The following PDSS2 variants were observed in gnomAD, a reference collection of about 807,000 sequenced individuals.
PDSS2 encodes the protein decaprenyl diphosphate synthase subunit 2, also known as all trans-polyprenyl-diphosphate synthase PDSS2.
In PDSS2, 31 loss-of-function variants were observed where a neutral mutation model predicts 44.5. The observed-to-expected ratio is 0.70, with a 90% CI of 0.52 to 0.94. PDSS2 has a LOEUF of 0.94. Among genes scored for constraint, PDSS2 ranks in the 40% least tolerant of loss-of-function variants. The pLI is 0.00. For missense variants in PDSS2, 452 were observed against 482.2 expected (o/e 0.94, Z 0.59); for synonymous variants, 157 against 180.3 (o/e 0.87, Z 1.03).
chr6:107,221,529 G>A (rs1047544728), intron 4 of PDSS2, among the ~76,000 whole-genome samples: 3 of 152,000 alleles, frequency 2.0e-5, no homozygotes, highest in African/African-American at 7.3e-5. Context: ...GACTATCAGA[G>A]AGAAGTATGT....
At chr6:107,287,762 T>C (rs1285018446) in intron 2 of PDSS2, among the ~76,000 whole-genome samples, 1 of 152,202 alleles carries the variant, frequency 6.6e-6, no homozygotes, top group African/African-American at 2.4e-5. Flanking sequence ...CCTCAGGTGA[T>C]CCACCGAATC....
intron 1 of PDSS2, among the ~76,000 whole-genome samples, chr6:107,371,012 G>A (rs1218009529): frequency 2.0e-5 from 3 of 151,990 alleles, no homozygotes; most frequent in South Asian, 2.1e-4. Flanking sequence ...GTGAAACCCC[G>A]TCTCTACTAA....
At chr6:107,232,559 T>C (rs938142794) in intron 4 of PDSS2, among the ~76,000 whole-genome samples, 8 of 152,224 alleles carry the variant, frequency 5.3e-5, no homozygotes, top group Admixed American at 5.2e-4. Context: ...CCTTCAATCC[T>C]TCACTATCAT....
chr6:107,271,594 C>T (rs562593822), intron 3 of PDSS2, among the ~76,000 whole-genome samples: 2 of 152,358 alleles, frequency 1.3e-5, no homozygotes, highest in African/African-American at 2.4e-5. Context: ...CTTCTCCCAC[C>T]ACCTGATACA....
intron 2 of PDSS2, among the ~76,000 whole-genome samples, chr6:107,324,665 C>T (rs1022932460): frequency 3.3e-5 from 5 of 152,044 alleles, no homozygotes; most frequent in African/African-American, 9.7e-5. Context: ...TGTTTGCATT[C>T]ACATGTTATC....
At chr6:107,371,095 G>A (rs112664043) in intron 1 of PDSS2, among the ~76,000 whole-genome samples, 2 of 151,986 alleles carry the variant, frequency 1.3e-5, no homozygotes, top group South Asian at 4.2e-4. Context: ...CAGGAGAATC[G>A]CTTGAACCCA....
rs71861456 is a variant in PDSS2 at position 107,337,039 on chromosome 6, CCA to C, written c.297-2709_297-2708del. On this transcript the variant is annotated intron_variant, in intron 1 of 7. Transcript: ENST00000369037. The stretch of plus-strand genomic sequence containing the variant: ...TCTCAGAAATAGGACCTTTCACATA[CCA>C]CACACACACACACACACACACACAC... Among the ~76,000 whole-genome samples the C allele has an allele frequency of 9.3e-3, 1,315 of 141,570 alleles. 16 individuals are homozygous for C. Among genetic ancestry groups the C allele is most frequent in the African/African-American group, 0.029 (1,081 of 36,888 alleles). 92.9% of individuals were successfully genotyped at this position (141,570 alleles called of 152,430 possible). A position where few individuals can be genotyped will look rare whatever the true frequency, so the allele number is the denominator to read the frequency against.
chr6:107,454,410 T>C (rs1447800989), intron 1 of PDSS2, among the ~76,000 whole-genome samples: 1 of 152,198 alleles, frequency 6.6e-6, no homozygotes, highest in East Asian at 1.9e-4. Context: ...TATCTAATTA[T>C]AGTTTACAAC....
chr6:107,354,870 C>T (rs1354635996), intron 1 of PDSS2, among the ~76,000 whole-genome samples: 1 of 152,090 alleles, frequency 6.6e-6, no homozygotes, highest in Non-Finnish European at 1.5e-5. Flanking sequence ...CCTACATTCT[C>T]CCTTTTATAA....
At position 107,398,850 on chromosome 6, in the gene PDSS2, T is replaced by C. The variant is rs899674235; in HGVS notation, c.296+60140A>G. ...GGAAACTGTCCTCAGGAGAAACCAATTGGCCATCTCAGTTCACATGAGAAA... is the reference window on the plus strand; with the variant it reads ...GGAAACTGTCCTCAGGAGAAACCAACTGGCCATCTCAGTTCACATGAGAAA... On this transcript the variant is annotated intron_variant, in intron 1 of 7. Transcript: ENST00000369037. 6.6e-5 allele frequency among the ~76,000 whole-genome samples: 10 copies of C among 152,294 alleles called. No homozygotes were observed. In the South Asian group the frequency reaches 8.3e-4, roughly 13 times the overall value.
At chr6:107,374,254 A>AC (rs1491440558) in intron 1 of PDSS2, among the ~76,000 whole-genome samples, 19 of 45,780 alleles carry the variant, frequency 4.2e-4, no homozygotes, top group Non-Finnish European at 1.6e-3. Flanking sequence ...ACTCCATCAC[A>AC]AAAAAAAAAA....
At chr6:107,222,336 TATTA>T (rs1773635798) in intron 4 of PDSS2, among the ~76,000 whole-genome samples, 3 of 152,124 alleles carry the variant, frequency 2.0e-5, no homozygotes, top group South Asian at 4.1e-4. Flanking sequence ...CCCTCAGAAA[TATTA>T]ATTATCATTA....
At chr6:107,356,645 T>C (rs574271130) in intron 1 of PDSS2, among the ~76,000 whole-genome samples, 1 of 152,242 alleles carries the variant, frequency 6.6e-6, no homozygotes, top group Admixed American at 6.5e-5. Flanking sequence ...TTTATCTATA[T>C]GGTTTTCTCC....
chr6:107,272,352 A>T (rs1276770811), intron 3 of PDSS2, among the ~76,000 whole-genome samples: 1 of 152,200 alleles, frequency 6.6e-6, no homozygotes. Flanking sequence ...ACTAGGATGT[A>T]CACTGATCCA....
chr6:107,269,894 T>C (rs1333150403), intron 3 of PDSS2, among the ~76,000 whole-genome samples: 2 of 152,110 alleles, frequency 1.3e-5, no homozygotes, highest in African/African-American at 4.8e-5. Context: ...CTCAGACTCC[T>C]GACCTCAAGT....
intron 1 of PDSS2, among the ~76,000 whole-genome samples, chr6:107,390,584 C>G (rs1779749314): frequency 6.6e-6 from 1 of 152,046 alleles, no homozygotes; most frequent in Non-Finnish European, 1.5e-5. Flanking sequence ...CTGGTAAGAT[C>G]TGAATAAAGT....
chr6:107,221,713 T>C (rs773120876), intron 4 of PDSS2, among the ~76,000 whole-genome samples: 1 of 152,212 alleles, frequency 6.6e-6, no homozygotes, highest in African/African-American at 2.4e-5. Context: ...CTCCGAGAGA[T>C]ACTTTGAGTT....
chr6:107,366,601 A>C (rs563186757), intron 1 of PDSS2, among the ~76,000 whole-genome samples: 165 of 152,096 alleles, frequency 1.1e-3, no homozygotes, highest in South Asian at 1.9e-3. Context: ...CCAAGAAAAT[A>C]AGAAAGAAGA....
intron 7 of PDSS2, among the ~76,000 whole-genome samples, chr6:107,164,140 T>A (rs4389800): frequency 0.91 from 138,029 of 152,154 alleles, 62,699 homozygotes; most frequent in East Asian, 0.99. Context: ...ATTTTAAGAC[T>A]GTTGTTTTGG....
Sources: allele counts gnomAD v4.1 joint callset (sites outside exome capture counted in the v4.1 genomes callset), GRCh38; gene constraint gnomAD v4.1.1; transcripts MANE v1.5; gene names NCBI Gene and HGNC (gene_info 2026-07-23, HGNC 2026-07-21).